The following PRDM6 variants were observed in gnomAD, a reference collection of about 807,000 sequenced individuals.
The protein encoded by PRDM6 is putative histone-lysine N-methyltransferase PRDM6.
Under a neutral mutation model 60.8 loss-of-function variants are expected in PRDM6, and 25 were observed. That is an observed-to-expected ratio of 0.41 (90% confidence interval 0.30 to 0.57). The LOEUF is 0.57. Ranked by LOEUF, PRDM6 falls within the 20% of genes least tolerant of loss-of-function variation. PRDM6 has a pLI of 0.27. For missense variants in PRDM6, 839 were observed against 821.3 expected, an observed-to-expected ratio of 1.02 and a Z score of -0.26; for synonymous variants, 407 against 357.4, an observed-to-expected ratio of 1.14 and a Z score of -1.57.
chr5:123,096,722 T>C (rs1416241127), intron 2 of PRDM6, among the ~76,000 whole-genome samples: 1 of 152,224 alleles, frequency 6.6e-6, no homozygotes, highest in African/African-American at 2.4e-5. Flanking sequence ...TTTTTCACTT[T>C]TAATAGTAGC....
intron 3 of PRDM6, among the ~76,000 whole-genome samples, chr5:123,137,899 C>T (rs912246853): frequency 7.2e-5 from 11 of 152,030 alleles, no homozygotes; most frequent in African/African-American, 1.9e-4. Flanking sequence ...AGGCTAAGTA[C>T]GAGGAACAAA....
intron 3 of PRDM6, among the ~76,000 whole-genome samples, chr5:123,106,347 A>G (rs947411495): frequency 2.0e-4 from 31 of 152,322 alleles, no homozygotes; most frequent in African/African-American, 7.0e-4. Context: ...GCTTCAGCGC[A>G]TCCAGCATCA....
chr5:123,170,948 A>C lies in PRDM6; in HGVS notation c.1336A>C (p.Ile446Leu). Residue 446 changes from isoleucine (I) to leucine (L), a missense_variant, in exon 6 of 8, where the codon ATC (isoleucine) becomes CTC (leucine). Physicochemically the swap from Ile to Leu is conservative, Grantham distance 5 (BLOSUM62 2). Around this residue, in one of 2 missense-constraint regions of PRDM6, gnomAD observed 730 missense variants for 648.8 expected, o/e 1.13. Transcript: ENST00000407847. ...GCCCATTGAATCAGGATTTAATCAA[A>C]TCAACGTGAAAAACCAGCGAGTCCT... ...SGPIESGFNQ[I>L]NVKNQRVLAS... The C allele has an allele frequency of 1.3e-6, 2 of 1,551,920 alleles. No homozygotes were observed. The highest frequency in any genetic ancestry group is 1.7e-6 in the Non-Finnish European group (2 of 1,147,044).
intron 3 of PRDM6, among the ~76,000 whole-genome samples, chr5:123,110,857 G>A (rs1034071883): frequency 4.6e-5 from 7 of 151,976 alleles, no homozygotes; most frequent in African/African-American, 1.4e-4. Flanking sequence ...GAGCCACCAC[G>A]TCCGGCAGTT....
intron 6 of PRDM6, among the ~76,000 whole-genome samples, chr5:123,171,922 A>G (rs1182960568): frequency 6.6e-6 from 1 of 152,228 alleles, no homozygotes; most frequent in Non-Finnish European, 1.5e-5. Flanking sequence ...TCAATAAGAA[A>G]GGATTGCTTG....
At chr5:123,186,586 C>T (rs1766294078) in intron 7 of PRDM6, among the ~76,000 whole-genome samples, 1 of 152,200 alleles carries the variant, frequency 6.6e-6, no homozygotes, top group Non-Finnish European at 1.5e-5. Context: ...CCTACTGCCC[C>T]TCACAGTCAC....
chr5:123,174,987 C>A (rs955211573), intron 6 of PRDM6, among the ~76,000 whole-genome samples: 44 of 152,328 alleles, frequency 2.9e-4, no homozygotes, highest in African/African-American at 8.9e-4. Context: ...TCTAAATCAA[C>A]CAACATTTTG....
At chr5:123,140,749 A>G (rs922959580) in intron 3 of PRDM6, among the ~76,000 whole-genome samples, 1 of 152,174 alleles carries the variant, frequency 6.6e-6, no homozygotes, top group Admixed American at 6.6e-5. Context: ...AATAAGACAG[A>G]ATCTTTACAT....
intron 3 of PRDM6, among the ~76,000 whole-genome samples, chr5:123,107,762 T>C (rs914662158): frequency 6.6e-6 from 1 of 152,226 alleles, no homozygotes; most frequent in Non-Finnish European, 1.5e-5. Flanking sequence ...AGTAATTTGA[T>C]CTCAAGGTAG....
In PRDM6 at chr5:123,192,120, AAG is replaced by A. The variant is rs532347562; in HGVS notation, c.*4920_*4921del. The A allele has an allele frequency of 1.5e-3, 228 of 152,358 alleles. No individual in the cohort carries two copies. Among genetic ancestry groups the A allele is most frequent in the African/African-American group, 5.1e-3 (213 of 41,590 alleles). 9.4% of individuals were successfully genotyped at this position (152,358 alleles called of 1,614,324 possible). A position where few individuals can be genotyped will look rare whatever the true frequency, so the allele number is the denominator to read the frequency against. Reference sequence around the variant, plus strand: ...ATGGAGGAAATTTTAATGGAAAAATAAGGACATTCTGCGCTTATTCCCACAGA... The same window carrying A: ...ATGGAGGAAATTTTAATGGAAAAATAGACATTCTGCGCTTATTCCCACAGA... On this transcript the variant is annotated 3_prime_UTR_variant, in exon 8 of 8. Coordinates refer to ENST00000407847, the MANE Select transcript of PRDM6 (RefSeq NM_001136239.4).
At chr5:123,137,691 T>A (rs868497487) in intron 3 of PRDM6, among the ~76,000 whole-genome samples, 6 of 152,262 alleles carry the variant, frequency 3.9e-5, no homozygotes, top group South Asian at 2.1e-4. Flanking sequence ...CTGATGTAGA[T>A]GATGGGTTGA....
chr5:123,131,339 T>A (rs575963903), intron 3 of PRDM6, among the ~76,000 whole-genome samples: 2 of 152,312 alleles, frequency 1.3e-5, no homozygotes, highest in East Asian at 3.9e-4. Flanking sequence ...TTTGGAATGT[T>A]TCCCACACAA....
intron 4 of PRDM6, among the ~76,000 whole-genome samples, chr5:123,157,946 T>C (rs1765542820): frequency 6.6e-6 from 1 of 152,230 alleles, no homozygotes; most frequent in Non-Finnish European, 1.5e-5. Flanking sequence ...ACTAAATACA[T>C]GTCAGCAAAG....
At chr5:123,156,597 A>C (rs1765504672) in intron 4 of PRDM6, among the ~76,000 whole-genome samples, 1 of 152,196 alleles carries the variant, frequency 6.6e-6, no homozygotes, top group Non-Finnish European at 1.5e-5. Flanking sequence ...TCAGTTGATG[A>C]GGCAGTTTCC....
At position 123,187,873 on chromosome 5, in the gene PRDM6, A is replaced by T. The variant is rs1487096634; in HGVS notation, c.*672A>T. ...TGGTTTCAGTTTCAAAATTCAAAGG[A>T]AAAAGTTGAGGACTTATTTTGTCCT... On this transcript the variant is annotated 3_prime_UTR_variant, in exon 8 of 8. Coordinates refer to ENST00000407847, the MANE Select transcript of PRDM6 (RefSeq NM_001136239.4). 1 of 152,236 alleles carries T rather than the reference A, an allele frequency of 6.6e-6. No individual in the cohort carries two copies. Among genetic ancestry groups the T allele is most frequent in the Non-Finnish European group, 1.5e-5 (1 of 68,056 alleles). 9.4% of individuals were successfully genotyped at this position (152,236 alleles called of 1,614,324 possible). A position where few individuals can be genotyped will look rare whatever the true frequency, so the allele number is the denominator to read the frequency against.
At position 123,194,169 on chromosome 5, in the gene PRDM6, A is replaced by G. The variant is rs1766481418; in HGVS notation, c.*6968A>G. 1 of 152,252 alleles carries G rather than the reference A, an allele frequency of 6.6e-6. No homozygotes were observed. Among genetic ancestry groups the G allele is most frequent in the African/African-American group, 2.4e-5 (1 of 41,464 alleles). The allele number at this position is 152,252 out of a possible 1,614,324, so 9.4% of individuals were successfully genotyped here. On this transcript the variant is annotated 3_prime_UTR_variant, in exon 8 of 8. Transcript: ENST00000407847. ...TCTTGTGATGGAATCTACCAGGATTAAGTTGTATTTAAATGAAAAAACAGG... is the reference window on the plus strand; with the variant it reads ...TCTTGTGATGGAATCTACCAGGATTGAGTTGTATTTAAATGAAAAAACAGG...
At chr5:123,132,981 A>G (rs1764867981) in intron 3 of PRDM6, among the ~76,000 whole-genome samples, 2 of 152,100 alleles carry the variant, frequency 1.3e-5, no homozygotes, top group African/African-American at 4.8e-5. Flanking sequence ...TATTTTGTCC[A>G]TTTAATTCTC....
In PRDM6 at chr5:123,192,591, A is replaced by C. The variant is rs1766453470; in HGVS notation, c.*5390A>C. 6.6e-6 allele frequency: 1 copy of C among 152,170 alleles called. No homozygotes were observed. Among genetic ancestry groups the C allele is most frequent in the African/African-American group, 2.4e-5 (1 of 41,430 alleles). The allele number at this position is 152,170 out of a possible 1,614,324, so 9.4% of individuals were successfully genotyped here. On this transcript the variant is annotated 3_prime_UTR_variant, in exon 8 of 8. Coordinates refer to ENST00000407847, the MANE Select transcript of PRDM6 (RefSeq NM_001136239.4). ...CATTGTTTTTGTTTTTCTAAGCAGG[A>C]ATCTAAAATTCCACATTGAAAGAAA...
intron 3 of PRDM6, among the ~76,000 whole-genome samples, chr5:123,126,944 T>C (rs796391311): frequency 6.6e-6 from 1 of 152,292 alleles, no homozygotes; most frequent in African/African-American, 2.4e-5. Flanking sequence ...TGAATGTTGA[T>C]TGTTGTTGCC....
Sources: allele counts gnomAD v4.1 joint callset (sites outside exome capture counted in the v4.1 genomes callset), GRCh38; gene constraint gnomAD v4.1.1; regional missense constraint gnomAD v4.1.1; transcripts MANE v1.5; gene names NCBI Gene and HGNC (gene_info 2026-07-23, HGNC 2026-07-21).